The following ASTN2 variants were observed in gnomAD, a reference collection of about 807,000 sequenced individuals.
The protein encoded by ASTN2 is astrotactin 2, also known as astrotactin-2.
Under a neutral mutation model 139.8 loss-of-function variants are expected in ASTN2, and 54 were observed. The observed-to-expected ratio is 0.39, with a 90% CI of 0.31 to 0.48. ASTN2 has a LOEUF of 0.48. Ranked by LOEUF, ASTN2 falls within the 20% of genes least tolerant of loss-of-function variation. The pLI is 0.95. For synonymous variants in ASTN2, 756 were observed against 719.5 expected (o/e 1.05, Z -0.81); for missense variants, 1,565 against 1,725.1 (o/e 0.91, Z 1.64).
intron 4 of ASTN2, among the ~76,000 whole-genome samples, chr9:117,127,380 G>A (rs1829715307): frequency 6.6e-6 from 1 of 152,200 alleles, no homozygotes; most frequent in Admixed American, 6.5e-5. Flanking sequence ...GGGGTCAGGT[G>A]TTACAGCTGC....
At chr9:116,877,495 T>C (rs1454664368) in intron 10 of ASTN2, among the ~76,000 whole-genome samples, 1 of 152,186 alleles carries the variant, frequency 6.6e-6, no homozygotes, top group Admixed American at 6.5e-5. Flanking sequence ...TATGCCCCTA[T>C]CTATACCTAA....
At chr9:116,622,553 C>T (rs943554498) in intron 17 of ASTN2, among the ~76,000 whole-genome samples, 5 of 152,164 alleles carry the variant, frequency 3.3e-5, no homozygotes, top group Non-Finnish European at 7.4e-5. Flanking sequence ...TCAGAGCAGT[C>T]GAGCAATTTT....
intron 10 of ASTN2, among the ~76,000 whole-genome samples, chr9:116,872,523 G>A (rs1011095263): frequency 1.3e-5 from 2 of 152,108 alleles, no homozygotes; most frequent in African/African-American, 2.4e-5. Flanking sequence ...CTGGGTACTC[G>A]GCTGGGTTCC....
chr9:116,698,473 C>A lies in ASTN2; in HGVS notation c.2806+27298G>T. 6.2e-7 allele frequency: 1 copy of A among 1,613,864 alleles called. No individual in the cohort carries two copies. Among genetic ancestry groups the A allele is most frequent in the Non-Finnish European group, 8.5e-7 (1 of 1,179,994 alleles). On this transcript the variant is annotated intron_variant, in intron 16 of 22. Transcript: ENST00000313400. The surrounding 1 kb of genome is among the most constrained non-coding windows in gnomAD (Gnocchi z 4.4). ...GTGTCTCGCTGTGACTACTTCCTGGCCAAGATCAAGCAGGCAGATGTAGCA... is the reference window on the plus strand; with the variant it reads ...GTGTCTCGCTGTGACTACTTCCTGGACAAGATCAAGCAGGCAGATGTAGCA...
At chr9:117,107,281 T>C (rs1307397670) in intron 4 of ASTN2, among the ~76,000 whole-genome samples, 1 of 152,176 alleles carries the variant, frequency 6.6e-6, no homozygotes, top group Non-Finnish European at 1.5e-5. Flanking sequence ...CAGGTAAATA[T>C]TTCTACACAT....
At chr9:116,550,487 G>A (rs924494940) in intron 19 of ASTN2, among the ~76,000 whole-genome samples, 10 of 152,154 alleles carry the variant, frequency 6.6e-5, no homozygotes, top group South Asian at 6.2e-4. Context: ...GTCTGGCCTG[G>A]AGTGGTCTTC....
intron 1 of ASTN2, among the ~76,000 whole-genome samples, chr9:117,357,515 G>T (rs959374835): frequency 3.9e-5 from 6 of 151,938 alleles, no homozygotes; most frequent in Admixed American, 2.6e-4. Flanking sequence ...GGCACAGCAG[G>T]TTCAGAGTGT....
chr9:116,753,500 G>T, intron 13 of ASTN2, among the ~76,000 whole-genome samples: 1 of 152,116 alleles, frequency 6.6e-6, no homozygotes, highest in East Asian at 1.9e-4. Flanking sequence ...AAGGTAAATT[G>T]GGGACGTTAG....
intron 19 of ASTN2, among the ~76,000 whole-genome samples, chr9:116,501,743 C>T (rs548800322): frequency 6.0e-4 from 92 of 152,068 alleles, no homozygotes; most frequent in Admixed American, 9.8e-4. Flanking sequence ...GGGAGATATA[C>T]CTAATGCTAG....
At chr9:116,921,223 A>T (rs993117102) in intron 10 of ASTN2, among the ~76,000 whole-genome samples, 5 of 152,124 alleles carry the variant, frequency 3.3e-5, no homozygotes, top group African/African-American at 1.2e-4. Flanking sequence ...ATGCTCTTAA[A>T]CCATGAGAAA....
At chr9:117,248,484 G>A (rs975062253) in intron 2 of ASTN2, among the ~76,000 whole-genome samples, 2 of 152,230 alleles carry the variant, frequency 1.3e-5, no homozygotes, top group Non-Finnish European at 2.9e-5. Context: ...AAGGCTGGGA[G>A]TGGCAGAATT....
intron 4 of ASTN2, among the ~76,000 whole-genome samples, chr9:117,121,715 G>A (rs1433816252): frequency 6.6e-6 from 1 of 152,202 alleles, no homozygotes; most frequent in Admixed American, 6.5e-5. Flanking sequence ...ATAAAGAAAA[G>A]AGGTTAAATC....
At chr9:116,585,412 T>TTG (rs1159129570) in intron 19 of ASTN2, 1 of 152,210 alleles carries the variant, frequency 6.6e-6, no homozygotes, top group Non-Finnish European at 1.5e-5. Flanking sequence ...TGTTTGGACT[T>TTG]TGGTTAATTA....
chr9:117,033,657 C>G (rs1838308073), intron 6 of ASTN2, among the ~76,000 whole-genome samples: 1 of 152,028 alleles, frequency 6.6e-6, no homozygotes, highest in South Asian at 2.1e-4. Flanking sequence ...CTGCTCTCTT[C>G]AAAATAAATA....
intron 19 of ASTN2, among the ~76,000 whole-genome samples, chr9:116,606,494 G>A (rs2131779550): frequency 6.6e-6 from 1 of 152,308 alleles, no homozygotes; most frequent in Middle Eastern, 3.4e-3. Context: ...ATGCACGCAT[G>A]AGCTCGTGGA....
chr9:117,056,324 A>G (rs1053004799), intron 5 of ASTN2, among the ~76,000 whole-genome samples: 1 of 152,366 alleles, frequency 6.6e-6, no homozygotes, highest in Admixed American at 6.5e-5. Flanking sequence ...AAAGAGGCTG[A>G]TGAGCCTCCA....
intron 1 of ASTN2, among the ~76,000 whole-genome samples, chr9:117,318,553 A>C (rs1828219635): frequency 6.6e-6 from 1 of 152,150 alleles, no homozygotes; most frequent in Admixed American, 6.5e-5. Flanking sequence ...CAGGAATTTC[A>C]ACATCGAGGT....
chr9:116,928,355 T>C (rs78417701), intron 10 of ASTN2, among the ~76,000 whole-genome samples: 79 of 146,520 alleles, frequency 5.4e-4, no homozygotes, highest in African/African-American at 1.8e-3. Flanking sequence ...TATCTTTAAA[T>C]AGAAATTCCA....
At chr9:116,624,982 G>C (rs758637164) in intron 17 of ASTN2, among the ~76,000 whole-genome samples, 1 of 152,154 alleles carries the variant, frequency 6.6e-6, no homozygotes, top group Non-Finnish European at 1.5e-5. Flanking sequence ...ATGGAATGCT[G>C]AATAAAACAA....
Sources: gnomAD v4.1 joint callset for allele counts (sites outside exome capture counted in the v4.1 genomes callset) on GRCh38, gnomAD v4.1.1 for gene constraint, Gnocchi (gnomAD v3.1) non-coding constraint, MANE v1.5 for transcripts, NCBI Gene and HGNC (gene_info 2026-07-23, HGNC 2026-07-21) for gene names.